The following CACNA1D variants were observed in gnomAD, a reference collection of about 807,000 sequenced individuals.
The protein encoded by CACNA1D is voltage-dependent L-type calcium channel subunit alpha-1D.
CACNA1D carries 55 observed loss-of-function variants against 257.1 expected under a neutral mutation model. That is an observed-to-expected ratio of 0.21 (90% CI 0.17 to 0.27). The LOEUF is 0.27. Ranked by LOEUF, CACNA1D falls within the 10% of genes least tolerant of loss-of-function variation. The pLI is 1.00. For missense variants in CACNA1D, 1,876 were observed against 2,784.0 expected (o/e 0.67, Z 7.34); for synonymous variants, 980 against 1,014.9 (o/e 0.97, Z 0.65).
At chr3:53,786,794 G>T in intron 39 of CACNA1D, 28 bp from the exon 40 acceptor site, 2 of 1,611,378 alleles carry the variant, frequency 1.2e-6, no homozygotes, top group Non-Finnish European at 1.7e-6. Context: ...GCTGATTCGG[G>T]AGAGCTCTGT....
At chr3:53,502,337 C>T (rs953121267) in intron 3 of CACNA1D, among the ~76,000 whole-genome samples, 2 of 152,142 alleles carry the variant, frequency 1.3e-5, no homozygotes, top group African/African-American at 4.8e-5. Context: ...ATATACTTTG[C>T]TGCCTTCTTA....
intron 3 of CACNA1D, among the ~76,000 whole-genome samples, chr3:53,573,252 A>G (rs569781922): frequency 4.5e-4 from 69 of 152,282 alleles, no homozygotes; most frequent in African/African-American, 1.5e-3. Flanking sequence ...CTGGCAGGAA[A>G]GGGCTGACAT....
At chr3:53,713,405 A>G (rs2094781579) in intron 9 of CACNA1D, among the ~76,000 whole-genome samples, 1 of 151,936 alleles carries the variant, frequency 6.6e-6, no homozygotes, top group Non-Finnish European at 1.5e-5. Flanking sequence ...TCCATCACTG[A>G]AGGTTGATCT....
In CACNA1D at chr3:53,673,176, C is replaced by T. The variant is rs1320988717; in HGVS notation, c.1220+50C>T. ...AAAGCAGAGTCCTGAGGACAGTTGCCAAGACCACACAAGCTTTGCTGGATG... is the reference window on the plus strand; with the variant it reads ...AAAGCAGAGTCCTGAGGACAGTTGCTAAGACCACACAAGCTTTGCTGGATG... On this transcript the variant is annotated intron_variant, in intron 8 of 47. Coordinates refer to ENST00000350061, the MANE Select transcript of CACNA1D (RefSeq NM_001128840.3). The surrounding 1 kb of genome is among the most constrained non-coding windows in gnomAD (Gnocchi z 4.1). 1.6e-6 allele frequency: 2 copies of T among 1,246,190 alleles called. No individual in the cohort carries two copies. Among genetic ancestry groups the T allele is most frequent in the South Asian group, 2.6e-5 (2 of 77,132 alleles). 77.2% of individuals were successfully genotyped at this position (1,246,190 alleles called of 1,614,324 possible). A position where few individuals can be genotyped will look rare whatever the true frequency, so the allele number is the denominator to read the frequency against.
intron 5 of CACNA1D, among the ~76,000 whole-genome samples, chr3:53,661,754 C>T (rs1454957145): frequency 1.3e-5 from 2 of 152,156 alleles, no homozygotes; most frequent in African/African-American, 2.4e-5. Context: ...TGTCTGCTTC[C>T]TTGGCTAATG....
intron 4 of CACNA1D, among the ~76,000 whole-genome samples, chr3:53,654,958 C>A (rs2094134439): frequency 6.6e-6 from 1 of 152,044 alleles, no homozygotes; most frequent in African/African-American, 2.4e-5. Flanking sequence ...TAGATTTAAA[C>A]CTAGGTAAAT....
At chr3:53,649,135 G>A (rs1386428294) in intron 3 of CACNA1D, among the ~76,000 whole-genome samples, 2 of 152,144 alleles carry the variant, frequency 1.3e-5, no homozygotes, top group African/African-American at 2.4e-5. Context: ...GCAGACAGCC[G>A]GAGCCCAGGG....
At chr3:53,668,800 T>C (rs1029242198) in intron 7 of CACNA1D, among the ~76,000 whole-genome samples, 2 of 152,224 alleles carry the variant, frequency 1.3e-5, no homozygotes, top group African/African-American at 4.8e-5. Context: ...AGCAAATGGA[T>C]GTGGCTTTAT....
intron 43 of CACNA1D, among the ~76,000 whole-genome samples, 153 bp downstream of exon 43, chr3:53,802,326 T>C (rs1576718042): frequency 1.3e-5 from 2 of 152,354 alleles, no homozygotes; most frequent in Middle Eastern, 6.8e-3. Flanking sequence ...TCAGAGGTTG[T>C]TGCTTCTAAG....
chr3:53,657,010 G>A (rs1183482649), intron 4 of CACNA1D, among the ~76,000 whole-genome samples: 1 of 152,132 alleles, frequency 6.6e-6, no homozygotes, highest in Non-Finnish European at 1.5e-5. Flanking sequence ...TTCTTACAGT[G>A]TTAAACATAG....
intron 30 of CACNA1D, among the ~76,000 whole-genome samples, chr3:53,767,601 A>G (rs2095341408): frequency 6.6e-6 from 1 of 151,526 alleles, no homozygotes; most frequent in Admixed American, 6.6e-5. Flanking sequence ...AAAATTCCCA[A>G]CATGCAGATA....
intron 8 of CACNA1D, among the ~76,000 whole-genome samples, chr3:53,674,608 C>G (rs1027514965): frequency 2.0e-5 from 3 of 152,208 alleles, no homozygotes; most frequent in African/African-American, 7.2e-5. Context: ...CTCTGCCTTG[C>G]CCGTAGCTGG....
At chr3:53,560,061 CTTTTTTTTTT>C (rs34438908) in intron 3 of CACNA1D, among the ~76,000 whole-genome samples, 17 of 102,658 alleles carry the variant, frequency 1.7e-4, no homozygotes, top group Non-Finnish European at 2.8e-4. Flanking sequence ...TTAGGAGTTC[CTTTTTTTTTT>C]TTTTTTTTTT....
chr3:53,803,278 A>G, intron 43 of CACNA1D, 145 bp from the exon 44 acceptor site: 1 of 835,424 alleles, frequency 1.2e-6, no homozygotes, highest in East Asian at 2.5e-5. Context: ...AGAAGCCGGA[A>G]CAGTCCAGTG....
chr3:53,600,358 C>CT (rs2093426117), intron 3 of CACNA1D, among the ~76,000 whole-genome samples: 1 of 152,198 alleles, frequency 6.6e-6, no homozygotes, highest in Admixed American at 6.5e-5. Flanking sequence ...TAGTTGCTTT[C>CT]TGGTAAAACC....
chr3:53,810,804 C>T (rs552823689), intron 47 of CACNA1D, among the ~76,000 whole-genome samples: 5 of 142,772 alleles, frequency 3.5e-5, no homozygotes, highest in African/African-American at 5.3e-5. Flanking sequence ...TGGTCACCAC[C>T]GTCAATTCTC....
At chr3:53,572,573 T>C (rs2092967233) in intron 3 of CACNA1D, among the ~76,000 whole-genome samples, 1 of 152,004 alleles carries the variant, frequency 6.6e-6, no homozygotes, top group Non-Finnish European at 1.5e-5. Context: ...CTAATTTTTG[T>C]ATTTTTTATA....
chr3:53,734,779 A>C lies in CACNA1D; in HGVS notation c.2622-595A>C, dbSNP rs1206352941. Among the ~76,000 whole-genome samples, 28 of 152,154 alleles carry C rather than the reference A, an allele frequency of 1.8e-4. 1 individual carries two copies. The highest frequency in any genetic ancestry group is 1.8e-3 in the Admixed American group (28 of 15,280). ...GGACTGCTTGTGGGTCAACTCCAAA[A>C]TTTAAAAAAATAATAATAACATCTA... On this transcript the variant is annotated intron_variant, in intron 19 of 47. Transcript: ENST00000350061.
At chr3:53,740,004 A>G (rs2095099917) in intron 20 of CACNA1D, among the ~76,000 whole-genome samples, 1 of 152,234 alleles carries the variant, frequency 6.6e-6, no homozygotes, top group African/African-American at 2.4e-5. Context: ...TTAACAAAGC[A>G]CTCTTAGAAA....
Sources: gnomAD v4.1 joint callset for allele counts (sites outside exome capture counted in the v4.1 genomes callset) on GRCh38, gnomAD v4.1.1 for gene constraint, Gnocchi (gnomAD v3.1) non-coding constraint, MANE v1.5 for transcripts, NCBI Gene and HGNC (gene_info 2026-07-23, HGNC 2026-07-21) for gene names.